The following TRHDE variants were observed in gnomAD, a reference collection of about 807,000 sequenced individuals.
The protein encoded by TRHDE is thyrotropin-releasing hormone-degrading ectoenzyme.
Under a neutral mutation model 125.7 loss-of-function variants are expected in TRHDE, and 72 were observed. That is an observed-to-expected ratio of 0.57 (90% CI 0.47 to 0.70). The LOEUF (loss-of-function observed/expected upper bound fraction) is 0.70, where lower values mean the gene tolerates loss of function less well. Ranked by LOEUF, TRHDE falls within the 30% of genes least tolerant of loss-of-function variation. TRHDE has a pLI of 0.00. For synonymous variants in TRHDE, 509 were observed against 509.1 expected (o/e 1.00, Z 0.00); for missense variants, 1,110 against 1,327.1 (o/e 0.84, Z 2.54).
chr12:72,518,099 T>C (rs1454505017), intron 6 of TRHDE, among the ~76,000 whole-genome samples: 1 of 150,198 alleles, frequency 6.7e-6, no homozygotes, highest in Non-Finnish European at 1.5e-5. Flanking sequence ...TGTGGTGTGG[T>C]GCTGAAAAAA....
intron 2 of TRHDE, among the ~76,000 whole-genome samples, chr12:72,322,093 T>A (rs1488856172): frequency 6.6e-6 from 1 of 152,172 alleles, no homozygotes; most frequent in East Asian, 1.9e-4. Flanking sequence ...TAAAATGTAT[T>A]TGTAACCCCC....
At chr12:72,587,920 ATATTTAG>A (rs1267289724) in intron 12 of TRHDE, among the ~76,000 whole-genome samples, 1 of 152,192 alleles carries the variant, frequency 6.6e-6, no homozygotes, top group Non-Finnish European at 1.5e-5. Flanking sequence ...AAATCTTTCA[ATATTTAG>A]TTACCAGGTT....
intron 2 of TRHDE, among the ~76,000 whole-genome samples, chr12:72,135,281 T>C (rs1317181200): frequency 2.0e-5 from 3 of 152,224 alleles, no homozygotes; most frequent in African/African-American, 7.2e-5. Context: ...CATGTTGTTT[T>C]CAAGCATTTC....
intron 18 of TRHDE, among the ~76,000 whole-genome samples, chr12:72,661,786 C>T (rs1874928512): frequency 6.6e-6 from 1 of 152,000 alleles, no homozygotes; most frequent in African/African-American, 2.4e-5. Flanking sequence ...AATGCCATAT[C>T]AGTTTTAAGG....
chr12:72,246,238 C>A (rs537093252), intron 2 of TRHDE, among the ~76,000 whole-genome samples: 1 of 137,652 alleles, frequency 7.3e-6, no homozygotes, highest in South Asian at 2.1e-4. Flanking sequence ...ACACCTTCAG[C>A]AAAAATGCAT....
At chr12:72,582,952 C>T (rs1420114455) in intron 12 of TRHDE, among the ~76,000 whole-genome samples, 1 of 152,094 alleles carries the variant, frequency 6.6e-6, no homozygotes, top group Admixed American at 6.6e-5. Flanking sequence ...TCAGTATAAA[C>T]ATTTTTCTTT....
intron 3 of TRHDE, among the ~76,000 whole-genome samples, chr12:72,421,597 A>G (rs1168035914): frequency 6.6e-6 from 1 of 152,202 alleles, no homozygotes; most frequent in Non-Finnish European, 1.5e-5. Flanking sequence ...AGTCTGTAAA[A>G]CAAGCCACAT....
chr12:72,662,270 GAT>G (rs1393470310), intron 18 of TRHDE, among the ~76,000 whole-genome samples: 1 of 152,042 alleles, frequency 6.6e-6, no homozygotes, highest in East Asian at 1.9e-4. Flanking sequence ...AGCTTCTTAA[GAT>G]ATATCAAACA....
chr12:72,407,615 T>G (rs906400405), intron 3 of TRHDE, among the ~76,000 whole-genome samples: 1 of 152,154 alleles, frequency 6.6e-6, no homozygotes, highest in African/African-American at 2.4e-5. Flanking sequence ...GATTTAAAAA[T>G]ATAGTAAAGA....
intron 6 of TRHDE, among the ~76,000 whole-genome samples, chr12:72,517,677 C>T (rs1057048890): frequency 6.6e-6 from 1 of 151,746 alleles, no homozygotes; most frequent in Non-Finnish European, 1.5e-5. Flanking sequence ...TATTTCTTGC[C>T]TTCTGCTAGC....
At chr12:72,131,209 C>T (rs571981240) in intron 2 of TRHDE, among the ~76,000 whole-genome samples, 424 of 151,304 alleles carry the variant, frequency 2.8e-3, no homozygotes, top group African/African-American at 1.0e-2. Flanking sequence ...GTAGCTGGGA[C>T]TACAGGCGCC....
intron 2 of TRHDE, among the ~76,000 whole-genome samples, chr12:72,113,899 A>G (rs1875380770): frequency 6.6e-6 from 1 of 151,950 alleles, no homozygotes; most frequent in Non-Finnish European, 1.5e-5. Context: ...CTTAGGTGCT[A>G]CTCATTATAT....
At chr12:72,339,366 T>C (rs1488910848) in intron 2 of TRHDE, among the ~76,000 whole-genome samples, 3 of 152,218 alleles carry the variant, frequency 2.0e-5, no homozygotes, top group African/African-American at 4.8e-5. Flanking sequence ...TGAAGTATTA[T>C]TTCTTATCTT....
At chr12:72,405,257 CT>C (rs1873217263) in intron 3 of TRHDE, among the ~76,000 whole-genome samples, 1 of 152,136 alleles carries the variant, frequency 6.6e-6, no homozygotes, top group Non-Finnish European at 1.5e-5. Flanking sequence ...TTATGTAAGA[CT>C]TCATAGAGGA....
chr12:72,220,276 T>C (rs1206385958), intron 2 of TRHDE, among the ~76,000 whole-genome samples: 1 of 152,156 alleles, frequency 6.6e-6, no homozygotes, highest in Non-Finnish European at 1.5e-5. Context: ...TTATTCTTAA[T>C]GCTTGTTTTG....
intron 9 of TRHDE, among the ~76,000 whole-genome samples, chr12:72,563,879 G>T (rs1478518142): frequency 6.6e-6 from 1 of 152,014 alleles, no homozygotes; most frequent in African/African-American, 2.4e-5. Flanking sequence ...GTTTGGATTG[G>T]GTTACTCATG....
At chr12:72,233,348 G>C (rs1249283259) in intron 2 of TRHDE, among the ~76,000 whole-genome samples, 9 of 152,228 alleles carry the variant, frequency 5.9e-5, no homozygotes, top group African/African-American at 1.4e-4. Flanking sequence ...TATTCTCAAG[G>C]GGGGCAGAAA....
intron 3 of TRHDE, among the ~76,000 whole-genome samples, chr12:72,426,664 A>T (rs906617258): frequency 1.3e-5 from 2 of 151,900 alleles, no homozygotes; most frequent in Non-Finnish European, 2.9e-5. Context: ...GAGGGCCTTT[A>T]TATGTTAGGT....
At chr12:72,423,358 C>T (rs1214435484) in intron 3 of TRHDE, among the ~76,000 whole-genome samples, 2 of 152,146 alleles carry the variant, frequency 1.3e-5, no homozygotes, top group African/African-American at 4.8e-5. Context: ...ATTTACCTTC[C>T]TCTTTACATA....
Sources: gnomAD v4.1 joint callset for allele counts (sites outside exome capture counted in the v4.1 genomes callset) on GRCh38, gnomAD v4.1.1 for gene constraint, MANE v1.5 for transcripts, NCBI Gene and HGNC (gene_info 2026-07-23, HGNC 2026-07-21) for gene names.